The following NRG3 variants were observed in gnomAD, a reference collection of about 807,000 sequenced individuals.
NRG3 encodes neuregulin 3.
In NRG3, 31 loss-of-function variants were observed where a neutral mutation model predicts 66.9. That is an observed-to-expected ratio of 0.46 (90% CI 0.35 to 0.63). NRG3 has a LOEUF of 0.63. NRG3 is among the 20% of genes least tolerant of loss of function. The pLI, the probability that NRG3 is intolerant of heterozygous loss-of-function variation, is 0.00. For synonymous variants in NRG3, 393 were observed against 359.4 expected (o/e 1.09, Z -1.06); for missense variants, 910 against 878.9 (o/e 1.04, Z -0.45).
intron 1 of NRG3, among the ~76,000 whole-genome samples, chr10:81,946,040 G>A (rs183152718): frequency 1.3e-5 from 2 of 152,054 alleles, no homozygotes; most frequent in Non-Finnish European, 2.9e-5. Flanking sequence ...TTTCTGAGGC[G>A]GAGTCTTGCT....
At chr10:82,323,442 A>T (rs1317301410) in intron 1 of NRG3, among the ~76,000 whole-genome samples, 1 of 151,612 alleles carries the variant, frequency 6.6e-6, no homozygotes, top group Non-Finnish European at 1.5e-5. Context: ...TGCATGTAAA[A>T]TCTTCACATA....
chr10:82,473,840 T>A (rs1389724514), intron 2 of NRG3, among the ~76,000 whole-genome samples: 1 of 152,118 alleles, frequency 6.6e-6, no homozygotes, highest in Non-Finnish European at 1.5e-5. Context: ...GAAGCAGTGG[T>A]GATGCCTCAT....
At chr10:82,332,457 AG>A (rs2082183144) in intron 1 of NRG3, among the ~76,000 whole-genome samples, 1 of 152,126 alleles carries the variant, frequency 6.6e-6, no homozygotes, top group Non-Finnish European at 1.5e-5. Context: ...CACATCTAGA[AG>A]GGACCTTAGT....
chr10:82,240,645 A>G (rs2076967383), intron 1 of NRG3, among the ~76,000 whole-genome samples: 1 of 152,124 alleles, frequency 6.6e-6, no homozygotes. Context: ...TGCTTAGTTG[A>G]TTATGTAGTT....
intron 4 of NRG3, among the ~76,000 whole-genome samples, chr10:82,878,997 T>G (rs113349017): frequency 0.02 from 3,031 of 152,318 alleles, 35 homozygotes; most frequent in Middle Eastern, 0.041. Context: ...ACGTGGTTGA[T>G]TCCTTCTCAT....
intron 2 of NRG3, among the ~76,000 whole-genome samples, chr10:82,364,081 A>G (rs1484256516): frequency 6.6e-6 from 1 of 152,142 alleles, no homozygotes; most frequent in East Asian, 1.9e-4. Context: ...TATTACACAT[A>G]TATTTCATTT....
At chr10:82,307,250 T>C (rs2080792463) in intron 1 of NRG3, among the ~76,000 whole-genome samples, 1 of 152,192 alleles carries the variant, frequency 6.6e-6, no homozygotes, top group Non-Finnish European at 1.5e-5. Context: ...TATCTTATTA[T>C]TTATTCTTTT....
At chr10:82,109,271 C>A (rs1353018713) in intron 1 of NRG3, among the ~76,000 whole-genome samples, 1 of 152,094 alleles carries the variant, frequency 6.6e-6, no homozygotes, top group East Asian at 1.9e-4. Flanking sequence ...GCTACAGGAA[C>A]ATGGTGAGTG....
rs1207021027 is a variant in NRG3 at position 82,716,570 on chromosome 10, GCT to G, written c.954-22006_954-22005del. The stretch of plus-strand genomic sequence containing the variant: ...AGATATAGAGGATGTACGGTGCCCT[GCT>G]GATAAGAACTAAACAGTGACCCCTG... On this transcript the variant is annotated intron_variant, in intron 2 of 8. Transcript: ENST00000372141. 2.0e-5 allele frequency among the ~76,000 whole-genome samples: 3 copies of G among 152,162 alleles called. No individual in the cohort carries two copies. In the East Asian group the frequency reaches 5.8e-4, roughly 29 times the overall value.
Position 81,875,246 on chromosome 10 carries a change from C to CGGA in NRG3, c.-94_-93insGAG. ...TGCCTGCGCCCGAGCCCGCCGCCGC[C>CGGA]GCCGGAGCCCGCGCCCGCGCCCGCG... On this transcript the variant is annotated 5_prime_UTR_variant, in exon 1 of 9. Coordinates refer to ENST00000372141, the MANE Select transcript of NRG3 (RefSeq NM_001010848.4). This position sits in a 1 kb window ranked among gnomAD's most constrained non-coding sequence, Gnocchi z 5.3. The CGGA allele has an allele frequency of 6.3e-6, 5 of 789,756 alleles. No individual in the cohort carries two copies. Among genetic ancestry groups the CGGA allele is most frequent in the Non-Finnish European group, 7.6e-6 (5 of 653,696 alleles). 48.9% of individuals were successfully genotyped at this position (789,756 alleles called of 1,614,324 possible). A position where few individuals can be genotyped will look rare whatever the true frequency, so the allele number is the denominator to read the frequency against.
intron 2 of NRG3, among the ~76,000 whole-genome samples, chr10:82,668,686 C>T (rs1393753123): frequency 6.6e-6 from 1 of 152,128 alleles, no homozygotes; most frequent in African/African-American, 2.4e-5. Context: ...CGTTCTGAGC[C>T]TCCATCAGCA....
chr10:82,385,250 T>C (rs780897322), intron 2 of NRG3, among the ~76,000 whole-genome samples: 91 of 152,258 alleles, frequency 6.0e-4, no homozygotes, highest in African/African-American at 2.0e-3. Flanking sequence ...TTTTCTCCCG[T>C]TCTGTTTCTG....
At chr10:81,957,483 A>G (rs1589594480) in intron 1 of NRG3, among the ~76,000 whole-genome samples, 1 of 152,090 alleles carries the variant, frequency 6.6e-6, no homozygotes, top group African/African-American at 2.4e-5. Flanking sequence ...TTGTCATACT[A>G]CCCTGCTTTA....
intron 1 of NRG3, among the ~76,000 whole-genome samples, chr10:82,132,772 G>A (rs1343163053): frequency 6.6e-6 from 1 of 151,004 alleles, no homozygotes; most frequent in Non-Finnish European, 1.5e-5. Context: ...GTCTATTCAG[G>A]TTTTGGATTT....
At chr10:82,901,375 C>A (rs1844203508) in intron 4 of NRG3, among the ~76,000 whole-genome samples, 1 of 152,092 alleles carries the variant, frequency 6.6e-6, no homozygotes, top group Non-Finnish European at 1.5e-5. Context: ...GCCACTGATC[C>A]AAGTCGCTCC....
intron 2 of NRG3, among the ~76,000 whole-genome samples, chr10:82,380,489 G>T (rs529469596): frequency 2.0e-5 from 3 of 152,156 alleles, no homozygotes; most frequent in South Asian, 4.1e-4. Flanking sequence ...AATGTCAAAC[G>T]CAGCAATCCA....
At chr10:82,007,551 A>G (rs886521792) in intron 1 of NRG3, among the ~76,000 whole-genome samples, 2 of 152,132 alleles carry the variant, frequency 1.3e-5, no homozygotes, top group Admixed American at 1.3e-4. Context: ...GTGAAGGAAT[A>G]TTACATGGAT....
intron 1 of NRG3, among the ~76,000 whole-genome samples, chr10:82,056,773 A>G (rs1222720693): frequency 6.6e-6 from 1 of 152,168 alleles, no homozygotes; most frequent in Non-Finnish European, 1.5e-5. Context: ...CAGGTTAACA[A>G]TTATGTTCTC....
intron 1 of NRG3, among the ~76,000 whole-genome samples, chr10:81,916,929 A>T: frequency 6.6e-6 from 1 of 152,196 alleles, no homozygotes; most frequent in African/African-American, 2.4e-5. Context: ...TTAATGATGA[A>T]ATTGTAAATA....
Sources: gnomAD v4.1 joint callset for allele counts (sites outside exome capture counted in the v4.1 genomes callset) on GRCh38, gnomAD v4.1.1 for gene constraint, Gnocchi (gnomAD v3.1) non-coding constraint, MANE v1.5 for transcripts, NCBI Gene and HGNC (gene_info 2026-07-23, HGNC 2026-07-21) for gene names.